Variants in PACS1 observed in about 807,000 individuals in gnomAD.
The protein encoded by PACS1 is PACS-1.
PACS1 carries 24 observed loss-of-function variants against 115.0 expected under a neutral mutation model. The observed-to-expected ratio is 0.21, with a 90% CI of 0.15 to 0.29. The LOEUF is 0.29. Among genes scored for constraint, PACS1 ranks in the 10% least tolerant of loss-of-function variants. PACS1 has a pLI of 1.00. For missense variants in PACS1, 838 were observed against 1,251.2 expected (o/e 0.67, Z 4.98); for synonymous variants, 453 against 504.5 (o/e 0.90, Z 1.37).
intron 1 of PACS1, among the ~76,000 whole-genome samples, chr11:66,097,957 C>T (rs1466249134): frequency 1.3e-5 from 2 of 152,134 alleles, no homozygotes; most frequent in East Asian, 1.9e-4. Context: ...GTGGGTGGAT[C>T]GCCTGAGCTC....
intron 11 of PACS1, among the ~76,000 whole-genome samples, chr11:66,230,072 G>A (rs935184804): frequency 2.0e-5 from 3 of 149,004 alleles, no homozygotes; most frequent in African/African-American, 7.4e-5. Context: ...GCTTGGGGAT[G>A]AGGAAGGAAG....
At chr11:66,078,067 T>A (rs1432027513) in intron 1 of PACS1, among the ~76,000 whole-genome samples, 5 of 152,150 alleles carry the variant, frequency 3.3e-5, no homozygotes, top group African/African-American at 1.2e-4. Context: ...CTTCAACAAT[T>A]TTTCTGAATC....
intron 11 of PACS1, among the ~76,000 whole-genome samples, chr11:66,229,605 G>C (rs1855540507): frequency 6.6e-6 from 1 of 152,066 alleles, no homozygotes; most frequent in South Asian, 2.1e-4. Context: ...CATGAACCCA[G>C]GAGGCAGAGC....
chr11:66,097,265 A>G (rs1480056668), intron 1 of PACS1, among the ~76,000 whole-genome samples: 1 of 152,054 alleles, frequency 6.6e-6, no homozygotes, highest in Non-Finnish European at 1.5e-5. Flanking sequence ...AGGTGACAGG[A>G]TGTGTATGGT....
intron 1 of PACS1, among the ~76,000 whole-genome samples, chr11:66,113,907 G>C (rs1281226132): frequency 6.6e-6 from 1 of 152,022 alleles, no homozygotes; most frequent in African/African-American, 2.4e-5. Flanking sequence ...GCCTCATAAA[G>C]TACTCAAGCA....
Position 66,109,559 on chromosome 11 carries a change from C to T in PACS1, c.356+38717C>T, listed in dbSNP as rs1158697442. ...AGAAGGTAGTTCCTTCACACTCTAA[C>T]CTAAGCCCTTTTTCTTCATCTTCAC... On this transcript the variant is annotated intron_variant, in intron 1 of 23. Transcript: ENST00000320580. Among the ~76,000 whole-genome samples, 3 of 152,288 alleles carry T rather than the reference C, an allele frequency of 2.0e-5. No homozygotes were observed. In the East Asian group the frequency reaches 5.8e-4, roughly 29 times the overall value.
chr11:66,214,175 C>T (rs1220708862), intron 4 of PACS1, among the ~76,000 whole-genome samples: 1 of 151,446 alleles, frequency 6.6e-6, no homozygotes, highest in Admixed American at 6.6e-5. Flanking sequence ...AAAATTATTT[C>T]TGTACTTTAG....
At chr11:66,162,974 A>G (rs1419834602) in intron 1 of PACS1, among the ~76,000 whole-genome samples, 2 of 152,206 alleles carry the variant, frequency 1.3e-5, no homozygotes, top group Non-Finnish European at 2.9e-5. Context: ...CCATTGGAGA[A>G]TAACTAGAAA....
At chr11:66,131,766 TA>T (rs34791428) in intron 1 of PACS1, among the ~76,000 whole-genome samples, 49 of 146,706 alleles carry the variant, frequency 3.3e-4, no homozygotes, top group African/African-American at 9.7e-4. Context: ...CATCTCTATG[TA>T]AAAAAAAAAG....
chr11:66,116,390 A>G (rs1362502107), intron 1 of PACS1, among the ~76,000 whole-genome samples: 1 of 152,230 alleles, frequency 6.6e-6, no homozygotes, highest in Non-Finnish European at 1.5e-5. Context: ...CTGTTTGTAA[A>G]TACGAAGTAT....
At chr11:66,206,508 A>G (rs1854943847) in intron 2 of PACS1, among the ~76,000 whole-genome samples, 1 of 152,220 alleles carries the variant, frequency 6.6e-6, no homozygotes. Context: ...GCATCCTGCT[A>G]CCTGCACACG....
intron 1 of PACS1, among the ~76,000 whole-genome samples, chr11:66,155,385 G>T (rs551959022): frequency 6.6e-6 from 1 of 152,266 alleles, no homozygotes; most frequent in East Asian, 1.9e-4. Flanking sequence ...GGATTGTAAA[G>T]AACTCTTACA....
At chr11:66,142,204 T>C (rs142642512) in intron 1 of PACS1, among the ~76,000 whole-genome samples, 1 of 152,306 alleles carries the variant, frequency 6.6e-6, no homozygotes, top group African/African-American at 2.4e-5. Flanking sequence ...ATGGACATTG[T>C]TCTGTACCAA....
intron 1 of PACS1, among the ~76,000 whole-genome samples, chr11:66,145,512 A>C (rs1274944694): frequency 3.3e-5 from 5 of 152,174 alleles, no homozygotes. Flanking sequence ...AAACTTAATT[A>C]ACAGAGATCC....
chr11:66,220,126 C>G (rs775193910), intron 8 of PACS1, among the ~76,000 whole-genome samples: 8 of 152,160 alleles, frequency 5.3e-5, no homozygotes, highest in Non-Finnish European at 1.0e-4. Flanking sequence ...CCCCTCTTAT[C>G]CCACGGGAAC....
chr11:66,205,424 A>G (rs771754271), intron 2 of PACS1, among the ~76,000 whole-genome samples: 15 of 152,036 alleles, frequency 9.9e-5, no homozygotes, highest in Non-Finnish European at 2.1e-4. Flanking sequence ...TATTTGTAAC[A>G]TAAATAAATG....
At chr11:66,208,010 C>T (rs1854982504) in intron 2 of PACS1, among the ~76,000 whole-genome samples, 1 of 152,132 alleles carries the variant, frequency 6.6e-6, no homozygotes, top group South Asian at 2.1e-4. Flanking sequence ...CTCAGGTGAT[C>T]CGCCCACCTC....
chr11:66,141,270 A>G (rs1858976489), intron 1 of PACS1, among the ~76,000 whole-genome samples: 1 of 152,198 alleles, frequency 6.6e-6, no homozygotes, highest in Non-Finnish European at 1.5e-5. Flanking sequence ...CACAGAACAG[A>G]TTAAATATAT....
intron 1 of PACS1, among the ~76,000 whole-genome samples, chr11:66,118,563 G>A (rs992492734): frequency 2.6e-4 from 40 of 152,112 alleles, no homozygotes; most frequent in Non-Finnish European, 3.8e-4. Flanking sequence ...AGTGAGCCAT[G>A]ATTGTGCCAC....
Sources: allele counts gnomAD v4.1 joint callset (sites outside exome capture counted in the v4.1 genomes callset), GRCh38; gene constraint gnomAD v4.1.1; transcripts MANE v1.5; gene names NCBI Gene and HGNC (gene_info 2026-07-23, HGNC 2026-07-21).